Variants in GPC3 observed in about 807,000 individuals in gnomAD.
The protein encoded by GPC3 is glypican-3.
Under a neutral mutation model 34.4 loss-of-function variants are expected in GPC3, and 3 were observed. That is an observed-to-expected ratio of 0.09 (90% confidence interval 0.04 to 0.23). The LOEUF is 0.23. Among genes scored for constraint, GPC3 ranks in the 10% least tolerant of loss-of-function variants. GPC3 has a pLI of 1.00. For missense variants in GPC3, 351 were observed against 445.6 expected (o/e 0.79, Z 1.91); for synonymous variants, 177 against 174.0 (o/e 1.02, Z -0.13).
At chrX:133,664,469 C>T (rs1477994823) in intron 5 of GPC3, among the ~76,000 whole-genome samples, 1 of 111,023 alleles carries the variant, frequency 9.0e-6, no homozygotes, top group Admixed American at 9.6e-5. Context: ...TGGTTAATTG[C>T]GGCTTTAAAA....
intron 2 of GPC3, among the ~76,000 whole-genome samples, chrX:133,851,714 C>T (rs995153659): frequency 8.9e-6 from 1 of 112,014 alleles, no homozygotes; most frequent in Admixed American, 9.5e-5. Context: ...ATGAAATCAG[C>T]TATACATTTT....
At chrX:133,890,794 A>G (rs1321147688) in intron 2 of GPC3, among the ~76,000 whole-genome samples, 1 of 104,604 alleles carries the variant, frequency 9.6e-6, no homozygotes, top group Non-Finnish European at 1.9e-5. Context: ...CAGGAGGCAG[A>G]GGTGGCAGTG....
At chrX:133,932,680 T>G (rs1196071268) in intron 2 of GPC3, among the ~76,000 whole-genome samples, 1 of 111,850 alleles carries the variant, frequency 8.9e-6, no homozygotes, top group Non-Finnish European at 1.9e-5. Flanking sequence ...GCTAGCCCTG[T>G]GGTCCTTAAC....
intron 2 of GPC3, among the ~76,000 whole-genome samples, chrX:133,810,254 A>G (rs1192225104): frequency 8.9e-6 from 1 of 112,398 alleles, no homozygotes; most frequent in Non-Finnish European, 1.9e-5. Context: ...GAAATCAATT[A>G]AGGATTCACT....
chrX:133,823,128 C>CAAAAAAAAAAA lies in GPC3; in HGVS notation c.338-68963_338-68953dup, dbSNP rs34231185. Among the ~76,000 whole-genome samples, 3 of 18,859 alleles carry CAAAAAAAAAAA rather than the reference C, an allele frequency of 1.6e-4. 1 individual carries two copies. Among genetic ancestry groups the CAAAAAAAAAAA allele is most frequent in the African/African-American group, 6.5e-4 (3 of 4,640 alleles). The allele number at this position is 18,859 out of a possible 115,157, so 16.4% of individuals were successfully genotyped here. ...TGGGTGACAGAGCAAGACTCCGTCT[C>CAAAAAAAAAAA]AAAAAAAAAAAAAAAAAAAAAAAAA... On this transcript the variant is annotated intron_variant, in intron 2 of 7. Coordinates refer to ENST00000370818, the MANE Select transcript of GPC3 (RefSeq NM_004484.4).
At chrX:133,657,587 T>G (rs2070675652) in intron 6 of GPC3, among the ~76,000 whole-genome samples, 1 of 111,558 alleles carries the variant, frequency 9.0e-6, no homozygotes, top group Admixed American at 9.6e-5. Flanking sequence ...ATCGTGGGAA[T>G]GTTACACATG....
intron 7 of GPC3, among the ~76,000 whole-genome samples, chrX:133,566,942 G>T (rs1266145809): frequency 1.8e-5 from 2 of 111,845 alleles, no homozygotes. Flanking sequence ...AGTAGATAGG[G>T]AAGATTAAAT....
At chrX:133,790,555 T>G (rs1480951341) in intron 2 of GPC3, among the ~76,000 whole-genome samples, 1 of 111,854 alleles carries the variant, frequency 8.9e-6, no homozygotes, top group Non-Finnish European at 1.9e-5. Context: ...GCTGCAAAGT[T>G]CCTTACTCCA....
intron 5 of GPC3, among the ~76,000 whole-genome samples, chrX:133,682,530 T>G (rs1330110904): frequency 1.8e-5 from 2 of 111,829 alleles, no homozygotes; most frequent in Non-Finnish European, 3.8e-5. Flanking sequence ...TATCAATTAT[T>G]TAAGTGCCTA....
intron 2 of GPC3, among the ~76,000 whole-genome samples, chrX:133,871,752 T>C (rs1461931582): frequency 8.9e-6 from 1 of 112,074 alleles, no homozygotes; most frequent in Non-Finnish European, 1.9e-5. Context: ...ACATGATAAG[T>C]AGAATCCTAC....
intron 3 of GPC3, among the ~76,000 whole-genome samples, chrX:133,749,619 CAA>C (rs968629892): frequency 9.0e-6 from 1 of 111,702 alleles, no homozygotes; most frequent in African/African-American, 3.3e-5. Context: ...AACAACTAGG[CAA>C]AGTCTCTGTG....
chrX:133,867,129 C>A (rs374082763), intron 2 of GPC3, among the ~76,000 whole-genome samples: 3 of 109,488 alleles, frequency 2.7e-5, no homozygotes, highest in African/African-American at 1.0e-4. Context: ...ACCCAGGTGG[C>A]GAAGGTTGCA....
At chrX:133,602,992 C>T (rs1374279889) in intron 6 of GPC3, among the ~76,000 whole-genome samples, 4 of 110,646 alleles carry the variant, frequency 3.6e-5, no homozygotes. Flanking sequence ...TAAGTTTTTT[C>T]GTGTACAAAC....
intron 2 of GPC3, among the ~76,000 whole-genome samples, chrX:133,866,647 A>G (rs1256069949): frequency 1.8e-5 from 2 of 112,293 alleles, no homozygotes; most frequent in African/African-American, 6.5e-5. Context: ...TTCCCTGCTT[A>G]AAAACTATCC....
intron 6 of GPC3, among the ~76,000 whole-genome samples, chrX:133,636,654 G>A (rs1046829484): frequency 4.6e-4 from 52 of 111,894 alleles, no homozygotes; most frequent in African/African-American, 1.6e-3. Flanking sequence ...GCAACAGAGC[G>A]AGACTCTGTC....
chrX:133,888,799 C>T (rs1218809070), intron 2 of GPC3, among the ~76,000 whole-genome samples: 2 of 112,311 alleles, frequency 1.8e-5, no homozygotes, highest in African/African-American at 6.5e-5. Flanking sequence ...AGGAACTATA[C>T]ATGTTCATGT....
intron 5 of GPC3, among the ~76,000 whole-genome samples, chrX:133,670,576 C>A (rs2070816409): frequency 8.9e-6 from 1 of 111,998 alleles, no homozygotes; most frequent in Non-Finnish European, 1.9e-5. Context: ...TTAGAGATCT[C>A]ACATTCTCAG....
chrX:133,756,720 G>A (rs867533872), intron 2 of GPC3, among the ~76,000 whole-genome samples: 19 of 112,715 alleles, frequency 1.7e-4, no homozygotes, highest in African/African-American at 5.1e-4. Flanking sequence ...CACAATGCAT[G>A]TTGCAGGGGA....
chrX:133,724,831 G>A (rs766969394), intron 3 of GPC3, among the ~76,000 whole-genome samples: 8 of 112,284 alleles, frequency 7.1e-5, no homozygotes, highest in Non-Finnish European at 1.5e-4. Context: ...TGAAGAATTT[G>A]CAGTAGCCAT....
Sources: allele counts gnomAD v4.1 joint callset (sites outside exome capture counted in the v4.1 genomes callset), GRCh38; gene constraint gnomAD v4.1.1; transcripts MANE v1.5; gene names NCBI Gene and HGNC (gene_info 2026-07-23, HGNC 2026-07-21).